The following NR2E1 variants were observed in gnomAD, a reference collection of about 807,000 sequenced individuals.
The protein encoded by NR2E1 is nuclear receptor TLX.
NR2E1 carries 5 observed loss-of-function variants against 43.6 expected under a neutral mutation model. The ratio of observed to expected loss-of-function variants is 0.11; its 90% CI spans 0.06 to 0.24. The LOEUF is 0.24. NR2E1 is among the 10% of genes least tolerant of loss of function. NR2E1 has a pLI of 1.00. For missense variants in NR2E1, 287 were observed against 496.7 expected (o/e 0.58, Z 4.01); for synonymous variants, 191 against 195.5 (o/e 0.98, Z 0.19).
intron 2 of NR2E1, among the ~76,000 whole-genome samples, chr6:108,172,065 G>A (rs1449154441): frequency 6.6e-6 from 1 of 152,174 alleles, no homozygotes; most frequent in Non-Finnish European, 1.5e-5. Context: ...GAAGTAAGCG[G>A]CACACAGACA....
chr6:108,170,556 T>TG (rs1409859964), intron 1 of NR2E1, among the ~76,000 whole-genome samples: 13 of 131,064 alleles, frequency 9.9e-5, no homozygotes, highest in African/African-American at 3.8e-4. Flanking sequence ...GTGGGGTCCA[T>TG]GGGGGGTGGG....
chr6:108,182,172 G>T (rs144318015), intron 8 of NR2E1, among the ~76,000 whole-genome samples: 2 of 151,506 alleles, frequency 1.3e-5, no homozygotes, highest in Admixed American at 1.3e-4. Context: ...AACCTGGGAG[G>T]TGGAACTTGC....
At chr6:108,179,377 A>G (rs939604200) in intron 5 of NR2E1, 2 of 152,180 alleles carry the variant, frequency 1.3e-5, no homozygotes, top group African/African-American at 4.8e-5. Flanking sequence ...TTAGCTCCCA[A>G]AAGAAATCCT....
In NR2E1 at chr6:108,166,399, A is replaced by C; in HGVS notation, c.-367A>C. On this transcript the variant is annotated 5_prime_UTR_variant, in exon 1 of 9. Coordinates refer to ENST00000368986, the MANE Select transcript of NR2E1 (RefSeq NM_003269.5). This position sits in a 1 kb window ranked among gnomAD's most constrained non-coding sequence, Gnocchi z 7.2. ...AAAAGAGGGATTTCGCTCCGTAGGAAGGCCATTTTCGTGTCTCCATCTCTG... is the reference window on the plus strand; with the variant it reads ...AAAAGAGGGATTTCGCTCCGTAGGACGGCCATTTTCGTGTCTCCATCTCTG... The C allele has an allele frequency of 1.2e-5, 3 of 241,512 alleles. No individual in the cohort carries two copies. Among genetic ancestry groups the C allele is most frequent in the Non-Finnish European group, 1.6e-5 (2 of 128,618 alleles). 15.0% of individuals were successfully genotyped at this position (241,512 alleles called of 1,614,324 possible).
chr6:108,186,721 A>T (rs981184517), intron 8 of NR2E1, among the ~76,000 whole-genome samples: 1 of 152,196 alleles, frequency 6.6e-6, no homozygotes, highest in African/African-American at 2.4e-5. Context: ...ATCTTTAATT[A>T]CATGCCAATT....
chr6:108,180,772 CAT>C lies in NR2E1; in HGVS notation c.740-32_740-31del. The stretch of plus-strand genomic sequence containing the variant: ...CAATATTAAATCATGAAAATGCCTT[CAT>C]ATTAGAGTATTTATCCCATATTTTT... On this transcript the variant is annotated intron_variant, in intron 6 of 8. Transcript: ENST00000368986. This position sits in a 1 kb window ranked among gnomAD's most constrained non-coding sequence, Gnocchi z 5.4. 6.2e-7 allele frequency: 1 copy of C among 1,601,094 alleles called. No homozygotes were observed.
At chr6:108,184,363 C>T (rs1774041565) in intron 8 of NR2E1, among the ~76,000 whole-genome samples, 3 of 152,154 alleles carry the variant, frequency 2.0e-5, no homozygotes, top group Admixed American at 2.0e-4. Flanking sequence ...GTACTGGCCA[C>T]ATGCAGGGCT....
In NR2E1 at chr6:108,176,557, T is replaced by C; in HGVS notation, c.314T>C (p.Leu105Pro). 6.2e-7 allele frequency: 1 copy of C among 1,613,200 alleles called. No individual in the cohort carries two copies. The highest frequency in any genetic ancestry group is 8.5e-7 in the Non-Finnish European group (1 of 1,179,962). ...TCCACCATCCGCAAGCAAGTGGCCC[T>C]CTACTTCCGTGGACACAAGGAGGAG... ...RTSTIRKQVA[L>P]YFRGHKEENG... is the part of the protein sequence containing the mutation. Residue 105 changes from leucine to proline, a missense_variant, in exon 4 of 9, where the codon CTC becomes CCC. Around this residue, in one of 4 missense-constraint regions of NR2E1, gnomAD observed 119 missense variants for 155.7 expected, o/e 0.76. Transcript: ENST00000368986.
intron 1 of NR2E1, among the ~76,000 whole-genome samples, chr6:108,170,445 C>A (rs1197028007): frequency 1.3e-5 from 2 of 151,880 alleles, no homozygotes; most frequent in East Asian, 3.9e-4. Context: ...GAAAAGAATC[C>A]CTCCCTTTCT....
In NR2E1 at chr6:108,169,233, A is replaced by T. The variant is rs1007804493; in HGVS notation, c.26-2225A>T. Among the ~76,000 whole-genome samples the T allele has an allele frequency of 6.6e-6, 1 of 152,202 alleles. No homozygotes were observed. Among genetic ancestry groups the T allele is most frequent in the East Asian group, 1.9e-4 (1 of 5,140 alleles). ...CGCCCCAGCCCGGTTGCCTGTTTCTAATCTGCCCCGGGAGCCGCGGCTCAG... is the reference window on the plus strand; with the variant it reads ...CGCCCCAGCCCGGTTGCCTGTTTCTTATCTGCCCCGGGAGCCGCGGCTCAG... On this transcript the variant is annotated intron_variant, in intron 1 of 8. Transcript: ENST00000368986. The surrounding 1 kb of genome is among the most constrained non-coding windows in gnomAD (Gnocchi z 6.1).
Position 108,166,912 on chromosome 6 carries a change from G to T in NR2E1, c.25+122G>T. On this transcript the variant is annotated intron_variant, in intron 1 of 8. Coordinates refer to ENST00000368986, the MANE Select transcript of NR2E1 (RefSeq NM_003269.5). This position sits in a 1 kb window ranked among gnomAD's most constrained non-coding sequence, Gnocchi z 7.2. ...TGAGCCCCTGAGAGGGATTCCAGCG[G>T]GCGTGTGCGTTCGGCCCAGACCTGT... 2 of 1,076,186 alleles carry T rather than the reference G, an allele frequency of 1.9e-6. No homozygotes were observed. The highest frequency in any genetic ancestry group is 1.6e-5 in the African/African-American group (1 of 63,838). The allele number at this position is 1,076,186 out of a possible 1,614,324, so 66.7% of individuals were successfully genotyped here.
chr6:108,182,685 A>G (rs1033988644), intron 8 of NR2E1, among the ~76,000 whole-genome samples: 11 of 151,674 alleles, frequency 7.3e-5, no homozygotes, highest in African/African-American at 2.4e-4. Flanking sequence ...CAGCCTCCCA[A>G]GTAGCTGGGA....
Position 108,176,586 on chromosome 6 carries a change from G to C in NR2E1, c.343G>C (p.Gly115Arg), listed in dbSNP as rs1773901399. The part of the protein sequence containing the change: ...LYFRGHKEEN[G>R]AAAHFPSAAL... The stretch of plus-strand genomic sequence containing the variant: ...CTTCCGTGGACACAAGGAGGAGAAC[G>C]GGGCCGCCGCGCACTTTCCCTCGGC... Residue 115 changes from glycine (G) to arginine (R), a missense_variant, in exon 4 of 9, where the codon GGG becomes CGG. Around this residue, in one of 4 missense-constraint regions of NR2E1, gnomAD observed 119 missense variants for 155.7 expected, o/e 0.76. Transcript: ENST00000368986. 8 of 1,612,924 alleles carry C rather than the reference G, an allele frequency of 5.0e-6. No individual in the cohort carries two copies. The highest frequency in any genetic ancestry group is 5.9e-6 in the Non-Finnish European group (7 of 1,179,950).
Position 108,180,838 on chromosome 6 carries a change from G to A in NR2E1, c.771G>A (p.Lys257=), listed in dbSNP as rs920116580. The A allele has an allele frequency of 3.1e-6, 5 of 1,613,990 alleles. No individual in the cohort carries two copies. The African/African-American group carries it at 4.0e-5, about 13-fold the overall frequency. The change falls in exon 7 of 9, where the codon AAG becomes AAA. Residue 257 remains lysine (K), a synonymous_variant. Coordinates refer to ENST00000368986, the MANE Select transcript of NR2E1 (RefSeq NM_003269.5). This position sits in a 1 kb window ranked among gnomAD's most constrained non-coding sequence, Gnocchi z 5.4. ...GMNGDNTDSQ[K]LNKIISEIQA... ...ACGGTGACAACACAGATTCCCAGAA[G>A]CTGAACAAGATCATATCTGAAATAC...
At chr6:108,173,236 T>G (rs1218103851) in intron 2 of NR2E1, among the ~76,000 whole-genome samples, 2 of 152,208 alleles carry the variant, frequency 1.3e-5, no homozygotes, top group Non-Finnish European at 2.9e-5. Flanking sequence ...AAGACACACT[T>G]AAGAACTTAT....
Position 108,166,643 on chromosome 6 carries a change from C to T in NR2E1, c.-123C>T. Reference sequence around the variant, plus strand: ...CAGCGCGCGACTGACACCCACCTGTCCCGCCCAGGAGCCTTGCAGGCTGGA... The same window carrying T: ...CAGCGCGCGACTGACACCCACCTGTTCCGCCCAGGAGCCTTGCAGGCTGGA... On this transcript the variant is annotated 5_prime_UTR_variant, in exon 1 of 9. Transcript: ENST00000368986. This position sits in a 1 kb window ranked among gnomAD's most constrained non-coding sequence, Gnocchi z 7.2. 2.6e-6 allele frequency: 2 copies of T among 755,934 alleles called. No individual in the cohort carries two copies. Among genetic ancestry groups the T allele is most frequent in the Non-Finnish European group, 4.0e-6 (2 of 499,872 alleles). The allele number at this position is 755,934 out of a possible 1,614,324, so 46.8% of individuals were successfully genotyped here.
chr6:108,180,923 G>T lies in NR2E1; in HGVS notation c.856G>T (p.Ala286Ser), dbSNP rs1225063537. The T allele has an allele frequency of 6.2e-7, 1 of 1,614,150 alleles. No homozygotes were observed. Among genetic ancestry groups the T allele is most frequent in the Non-Finnish European group, 8.5e-7 (1 of 1,180,016 alleles). ...ACTCCGGTTAGATGCTACTGAATTTGCCTGTCTAAAATGCATCGTCACTTT... is the reference window on the plus strand; with the variant it reads ...ACTCCGGTTAGATGCTACTGAATTTTCCTGTCTAAAATGCATCGTCACTTT... ...RQLRLDATEF[A>S]CLKCIVTFKA... The change falls in exon 7 of 9, where the codon GCC (alanine) becomes TCC (serine). Residue 286 changes from alanine (A) to serine (S), a missense_variant. Transcript: ENST00000368986. The surrounding 1 kb of genome is among the most constrained non-coding windows in gnomAD (Gnocchi z 5.4).
intron 4 of NR2E1, 46 bp from the exon 5 acceptor site, chr6:108,178,049 C>T: frequency 6.2e-7 from 1 of 1,606,152 alleles, no homozygotes; most frequent in Admixed American, 1.7e-5. Flanking sequence ...TCTTGCAAAG[C>T]TGTGGTTTCC....
chr6:108,166,323 T>C lies in NR2E1; in HGVS notation c.-443T>C. 1.2e-5 allele frequency: 2 copies of C among 166,638 alleles called. No homozygotes were observed. The highest frequency in any genetic ancestry group is 2.5e-5 in the Non-Finnish European group (2 of 78,786). The allele number at this position is 166,638 out of a possible 1,614,324, so 10.3% of individuals were successfully genotyped here. On this transcript the variant is annotated 5_prime_UTR_variant, in exon 1 of 9. Coordinates refer to ENST00000368986, the MANE Select transcript of NR2E1 (RefSeq NM_003269.5). The surrounding 1 kb of genome is among the most constrained non-coding windows in gnomAD (Gnocchi z 7.2). The stretch of plus-strand genomic sequence containing the variant: ...CGGTCGGCAGAGATTGCCCACACTC[T>C]GCATGCCTATGTAGAGGGAGAGATC...
Sources: allele counts gnomAD v4.1 joint callset (sites outside exome capture counted in the v4.1 genomes callset), GRCh38; gene constraint gnomAD v4.1.1; regional missense constraint gnomAD v4.1.1; non-coding constraint Gnocchi (gnomAD v3.1); transcripts MANE v1.5; gene names NCBI Gene and HGNC (gene_info 2026-07-23, HGNC 2026-07-21).